RPGR: variants seen among roughly 807,000 people sequenced by gnomAD.
RPGR encodes the protein X-linked retinitis pigmentosa GTPase regulator.
Under a neutral mutation model 56.3 loss-of-function variants are expected in RPGR, and 10 were observed. The ratio of observed to expected loss-of-function variants is 0.18; its 90% CI spans 0.11 to 0.30. The LOEUF (loss-of-function observed/expected upper bound fraction) is 0.30. Among genes scored for constraint, RPGR ranks in the 10% least tolerant of loss-of-function variants. RPGR has a pLI of 1.00. For synonymous variants in RPGR, 197 were observed against 212.9 expected (o/e 0.93, Z 0.65); for missense variants, 538 against 590.9 (o/e 0.91, Z 0.93).
At chrX:38,292,975 A>G (rs755626214) in intron 11 of RPGR, among the ~76,000 whole-genome samples, 2 of 111,842 alleles carry the variant, frequency 1.8e-5, no homozygotes, top group African/African-American at 6.5e-5. Context: ...AAATCCCAGA[A>G]ACATATGCTT....
At position 38,276,464 on chromosome X, in the gene RPGR, G is replaced by A. The variant is rs2066937495; in HGVS notation, c.2091+123C>T. 1.2e-5 allele frequency: 8 copies of A among 654,197 alleles called. No individual in the cohort carries two copies. The Admixed American group carries it at 2.0e-4, about 16-fold the overall frequency. The allele number at this position is 654,197 out of a possible 1,213,427, so 53.9% of individuals were successfully genotyped here. A position where few individuals can be genotyped will look rare whatever the true frequency, so the allele number is the denominator to read the frequency against. ...TTTCTCTTATGGCACATGAATTCATGTATTCATGTATTCATGGGAGTATTT... is the reference window on the plus strand; with the variant it reads ...TTTCTCTTATGGCACATGAATTCATATATTCATGTATTCATGGGAGTATTT... On this transcript the variant is annotated intron_variant, in intron 16 of 18. Transcript: ENST00000642395.
chrX:38,304,307 T>G (rs1569249399), intron 8 of RPGR, among the ~76,000 whole-genome samples: 1 of 112,185 alleles, frequency 8.9e-6, no homozygotes. Context: ...TTTTTCCTTT[T>G]GGCCTGAGTA....
intron 11 of RPGR, among the ~76,000 whole-genome samples, chrX:38,293,175 A>G (rs1055116077): frequency 9.0e-6 from 1 of 111,721 alleles, no homozygotes; most frequent in African/African-American, 3.3e-5. Flanking sequence ...ATTAAGAGTC[A>G]GCAAACTTTT....
chrX:38,320,998 C>T, intron 4 of RPGR, 29 bp downstream of exon 4: 1 of 1,126,652 alleles, frequency 8.9e-7, no homozygotes, highest in Non-Finnish European at 1.2e-6. Flanking sequence ...CAAAGTCAGG[C>T]AGGAAATCAT....
Position 38,288,049 on chromosome X carries a change from T to A in RPGR, c.1573-8A>T. On this transcript the variant is annotated splice_polypyrimidine_tract_variant and splice_region_variant and intron_variant, in intron 13 of 18. Transcript: ENST00000642395. ...CCCAATTGTTTGTTGTTTCTGTAAA[T>A]TTTTTGAAGTAATTATCATATGTCA... is the stretch of plus-strand genomic sequence containing the variant. 8.3e-7 allele frequency: 1 copy of A among 1,201,357 alleles called. No individual in the cohort carries two copies.
intron 14 of RPGR, 98 bp downstream of exon 14, chrX:38,287,763 T>C: frequency 1.2e-6 from 1 of 803,056 alleles, no homozygotes; most frequent in Middle Eastern, 2.8e-4. Context: ...TAGCATCAAG[T>C]TGATCAACAC....
At chrX:38,324,989 G>A (rs2068019587) in intron 1 of RPGR, among the ~76,000 whole-genome samples, 1 of 106,374 alleles carries the variant, frequency 9.4e-6, no homozygotes, top group East Asian at 3.0e-4. Flanking sequence ...GGCCAACGTG[G>A]TGAAACCCCG....
At chrX:38,315,541 G>A (rs2067803611) in intron 6 of RPGR, among the ~76,000 whole-genome samples, 1 of 111,482 alleles carries the variant, frequency 9.0e-6, no homozygotes, top group Non-Finnish European at 1.9e-5. Context: ...ATAAAGAGTA[G>A]AAGGATTGTT....
chrX:38,280,295 T>C (rs1286366382), intron 15 of RPGR, among the ~76,000 whole-genome samples: 1 of 111,718 alleles, frequency 9.0e-6, no homozygotes, highest in African/African-American at 3.3e-5. Context: ...AACAGTAAGT[T>C]TGGACTTTTT....
intron 4 of RPGR, 74 bp from the exon 5 acceptor site, chrX:38,319,061 G>A (rs1293670679): frequency 1.5e-5 from 16 of 1,041,102 alleles, no homozygotes; most frequent in South Asian, 3.8e-5. Flanking sequence ...GTATAGCAGC[G>A]ATTTCCTCTA....
At chrX:38,288,768 C>T (rs374481933) in intron 13 of RPGR, among the ~76,000 whole-genome samples, 5 of 111,242 alleles carry the variant, frequency 4.5e-5, no homozygotes, top group South Asian at 3.7e-4. Flanking sequence ...CCCACTTTCC[C>T]GATCATCTTT....
intron 7 of RPGR, among the ~76,000 whole-genome samples, chrX:38,309,386 T>C (rs1379507094): frequency 8.9e-6 from 1 of 112,305 alleles, no homozygotes; most frequent in Admixed American, 9.4e-5. Flanking sequence ...CAATGACATA[T>C]AGAAAATAGC....
chrX:38,305,344 G>A (rs1264199130), intron 7 of RPGR, among the ~76,000 whole-genome samples: 1 of 111,190 alleles, frequency 9.0e-6, no homozygotes, highest in Non-Finnish European at 1.9e-5. Context: ...GAACCCAGGT[G>A]GCAGAGGTTG....
chrX:38,315,625 T>G (rs538145398), intron 6 of RPGR, among the ~76,000 whole-genome samples: 2 of 110,526 alleles, frequency 1.8e-5, no homozygotes, highest in South Asian at 7.7e-4. Context: ...AAATAATAAT[T>G]TCTAGTATTT....
intron 18 of RPGR, among the ~76,000 whole-genome samples, chrX:38,270,925 G>T (rs1044220575): frequency 8.9e-6 from 1 of 111,754 alleles, no homozygotes; most frequent in Non-Finnish European, 1.9e-5. Flanking sequence ...AGGCAGCTCA[G>T]AAGTCAGGAG....
chrX:38,276,844 CATAA>C, intron 15 of RPGR: 11 of 870,174 alleles, frequency 1.3e-5, no homozygotes, highest in Non-Finnish European at 1.8e-5. Flanking sequence ...ATATTGCTGT[CATAA>C]ATAATTTGTG....
At chrX:38,324,106 C>G (rs749871913) in intron 1 of RPGR, among the ~76,000 whole-genome samples, 1 of 111,693 alleles carries the variant, frequency 9.0e-6, no homozygotes, top group Non-Finnish European at 1.9e-5. Context: ...TTTGTTGAGA[C>G]AGGGTCTCAC....
intron 15 of RPGR, chrX:38,284,771 T>A (rs982643002): frequency 8.8e-5 from 62 of 708,170 alleles, no homozygotes; most frequent in Non-Finnish European, 1.0e-4. Flanking sequence ...TATCACATCA[T>A]CTCATCCACT....
At chrX:38,319,153 C>G (rs2067883411) in intron 4 of RPGR, among the ~76,000 whole-genome samples, 166 bp from the exon 5 acceptor site, 1 of 112,240 alleles carries the variant, frequency 8.9e-6, no homozygotes, top group Non-Finnish European at 1.9e-5. Flanking sequence ...TAAAGCAAAA[C>G]AAGCAAGGCC....
Sources: gnomAD v4.1 joint callset for allele counts (sites outside exome capture counted in the v4.1 genomes callset) on GRCh38, gnomAD v4.1.1 for gene constraint, MANE v1.5 for transcripts, NCBI Gene and HGNC (gene_info 2026-07-23, HGNC 2026-07-21) for gene names.